The following CRB1 variants were observed in gnomAD, a reference collection of about 807,000 sequenced individuals.
CRB1 encodes the protein crumbs cell polarity complex component 1.
A neutral mutation model predicts 120.0 loss-of-function variants in CRB1; 83 were observed. That is an observed-to-expected ratio of 0.69 (90% CI 0.58 to 0.83). The LOEUF (loss-of-function observed/expected upper bound fraction) is 0.83, where lower values mean the gene tolerates loss of function less well. Among genes scored for constraint, CRB1 ranks in the 40% least tolerant of loss-of-function variants. The probability of loss-of-function intolerance (pLI) is 0.00; values close to 1 mark genes in which losing one functional copy is unlikely to be tolerated. For synonymous variants in CRB1, 625 were observed against 612.5 expected, an observed-to-expected ratio of 1.02 and a Z score of -0.30; for missense variants, 1,699 against 1,687.6, an observed-to-expected ratio of 1.01 and a Z score of -0.12.
intron 1 of CRB1, among the ~76,000 whole-genome samples, chr1:197,314,817 ACT>A (rs1312267241): frequency 2.0e-5 from 3 of 151,978 alleles, no homozygotes; most frequent in African/African-American, 7.3e-5. Context: ...TGGAACTCCA[ACT>A]CTCTAATTTC....
rs536743616 is a variant in CRB1 at position 197,330,047 on chromosome 1, C to A, written c.652+1044C>A. On this transcript the variant is annotated intron_variant, in intron 2 of 11. Coordinates refer to ENST00000367400, the MANE Select transcript of CRB1 (RefSeq NM_201253.3). The stretch of plus-strand genomic sequence containing the variant: ...CAATATATCTATTTGGAAAATATTT[C>A]TCTTCAAAATTTGCACCAGAACCCT... 2.0e-5 allele frequency among the ~76,000 whole-genome samples: 3 copies of A among 152,184 alleles called. No homozygotes were observed. In the South Asian group the frequency reaches 6.2e-4, roughly 32 times the overall value.
intron 5 of CRB1, among the ~76,000 whole-genome samples, chr1:197,374,180 G>A (rs1314287625): frequency 1.3e-5 from 2 of 152,182 alleles, no homozygotes; most frequent in African/African-American, 4.8e-5. Context: ...AATGATGGAA[G>A]CCATCTAGAT....
the CRB1 span, among the ~76,000 whole-genome samples, chr1:197,226,275 A>G: frequency 6.6e-6 from 1 of 152,220 alleles, no homozygotes; most frequent in African/African-American, 2.4e-5. Context: ...TATGTTATTA[A>G]GCTACTAATA....
intron 5 of CRB1, among the ~76,000 whole-genome samples, chr1:197,361,421 A>G (rs570333935): frequency 1.3e-5 from 2 of 152,136 alleles, no homozygotes; most frequent in East Asian, 1.9e-4. Context: ...TAATTTCAGT[A>G]TTGTTATGAG....
intron 2 of CRB1, 23 bp downstream of exon 2, chr1:197,329,026 C>A (rs1204149810): frequency 6.3e-7 from 1 of 1,577,830 alleles, no homozygotes; most frequent in African/African-American, 1.3e-5. Context: ...ATATCTGAAT[C>A]ACAGATGGTG....
At chr1:197,390,423 G>T (rs970442689) in intron 5 of CRB1, among the ~76,000 whole-genome samples, 3 of 152,036 alleles carry the variant, frequency 2.0e-5, no homozygotes, top group Non-Finnish European at 4.4e-5. Context: ...TTGAATTAGA[G>T]ACTCTGAGCA....
the CRB1 span, among the ~76,000 whole-genome samples, chr1:197,259,397 A>C: frequency 1.3e-5 from 2 of 152,358 alleles, no homozygotes; most frequent in South Asian, 4.1e-4. Context: ...ATAAAGCTTT[A>C]AGCAATCATC....
At chr1:197,345,036 T>C (rs1659687512) in intron 3 of CRB1, among the ~76,000 whole-genome samples, 1 of 152,188 alleles carries the variant, frequency 6.6e-6, no homozygotes, top group Non-Finnish European at 1.5e-5. Context: ...TCAGGCAAAA[T>C]AGAACAGCAA....
chr1:197,255,996 T>TATATATATATATATATATATAC, the CRB1 span, among the ~76,000 whole-genome samples: 140 of 116,596 alleles, frequency 1.2e-3, 2 homozygotes, highest in South Asian at 1.9e-3. Flanking sequence ...TATATATATA[T>TATATATATATATATATATATAC]ACACTACAAT....
At chr1:197,249,870 G>A in the CRB1 span, among the ~76,000 whole-genome samples, 4 of 151,938 alleles carry the variant, frequency 2.6e-5, no homozygotes, top group African/African-American at 9.7e-5. Context: ...AAAGTACTTC[G>A]TGAATTTTGA....
intron 5 of CRB1, among the ~76,000 whole-genome samples, chr1:197,410,037 G>A (rs918698700): frequency 1.3e-5 from 2 of 152,052 alleles, no homozygotes; most frequent in African/African-American, 4.8e-5. Context: ...CGCCCTCCTC[G>A]GCCTCCCAAA....
chr1:197,244,658 G>A, the CRB1 span, among the ~76,000 whole-genome samples: 1 of 151,662 alleles, frequency 6.6e-6, no homozygotes, highest in Non-Finnish European at 1.5e-5. Context: ...AGTATATTCT[G>A]TTTGGTATTT....
At chr1:197,387,512 ATC>A (rs1321537196) in intron 5 of CRB1, among the ~76,000 whole-genome samples, 3 of 151,992 alleles carry the variant, frequency 2.0e-5, no homozygotes, top group Admixed American at 2.0e-4. Context: ...AATTCTCTAA[ATC>A]TCTCTACATC....
upstream of CRB1, among the ~76,000 whole-genome samples, chr1:197,267,276 A>C (rs1654671571): frequency 6.6e-6 from 1 of 152,192 alleles, no homozygotes; most frequent in African/African-American, 2.4e-5. Flanking sequence ...TAAAAATAAT[A>C]ATTGTCATGA....
At chr1:197,435,639 G>A in intron 9 of CRB1, 27 bp downstream of exon 9, 1 of 1,586,524 alleles carries the variant, frequency 6.3e-7, no homozygotes, top group Non-Finnish European at 8.6e-7. Context: ...TATGAAGCTT[G>A]GTCTTTGAAG....
intron 11 of CRB1, chr1:197,443,507 T>C (rs972247108): frequency 6.6e-6 from 1 of 151,954 alleles, no homozygotes; most frequent in African/African-American, 2.4e-5. Context: ...TGCTTTTCAA[T>C]GAATATTTAA....
At chr1:197,327,864 T>C (rs1483439640) in intron 1 of CRB1, among the ~76,000 whole-genome samples, 1 of 152,124 alleles carries the variant, frequency 6.6e-6, no homozygotes, top group Admixed American at 6.5e-5. Flanking sequence ...ACATTGGGAT[T>C]CCTCATGACA....
At chr1:197,377,047 CT>C (rs767069254) in intron 5 of CRB1, among the ~76,000 whole-genome samples, 11 of 152,044 alleles carry the variant, frequency 7.2e-5, no homozygotes, top group Non-Finnish European at 1.5e-4. Flanking sequence ...TCTTTTAAAT[CT>C]TTATTCAAAG....
At chr1:197,230,616 A>T in the CRB1 span, among the ~76,000 whole-genome samples, 4 of 152,178 alleles carry the variant, frequency 2.6e-5, no homozygotes, top group African/African-American at 9.6e-5. Flanking sequence ...TTGCTCTTGC[A>T]GGTAAATAAA....
Sources: gnomAD v4.1 joint callset for allele counts (sites outside exome capture counted in the v4.1 genomes callset) on GRCh38, gnomAD v4.1.1 for gene constraint, MANE v1.5 for transcripts, NCBI Gene and HGNC (gene_info 2026-07-23, HGNC 2026-07-21) for gene names.